PABPC4L: variants seen among roughly 807,000 people sequenced by gnomAD.
PABPC4L encodes the protein polyadenylate-binding protein 4-like.
For synonymous variants in PABPC4L, 169 were observed against 164.1 expected (o/e 1.03, Z -0.23); for missense variants, 452 against 451.4 (o/e 1.00, Z -0.01).
the PABPC4L span, among the ~76,000 whole-genome samples, chr4:134,057,016 G>A: frequency 6.6e-6 from 1 of 151,894 alleles, no homozygotes; most frequent in South Asian, 2.1e-4. Flanking sequence ...ATTACCTAGA[G>A]GTTTTTTGTA....
the PABPC4L span, among the ~76,000 whole-genome samples, chr4:134,116,427 T>A: frequency 6.6e-5 from 10 of 151,952 alleles, no homozygotes; most frequent in African/African-American, 2.4e-4. Flanking sequence ...TTGATGTTTT[T>A]CAAGTACTCA....
chr4:134,047,858 C>T, the PABPC4L span, among the ~76,000 whole-genome samples: 2 of 149,972 alleles, frequency 1.3e-5, no homozygotes, highest in African/African-American at 4.9e-5. Flanking sequence ...TGTCAGAACA[C>T]TTAAAATATT....
chr4:134,055,537 T>G, the PABPC4L span, among the ~76,000 whole-genome samples: 4 of 151,958 alleles, frequency 2.6e-5, no homozygotes, highest in Non-Finnish European at 5.9e-5. Context: ...TTTTCTATCG[T>G]TTAAGCCACC....
At chr4:134,035,749 A>C in the PABPC4L span, among the ~76,000 whole-genome samples, 4 of 152,122 alleles carry the variant, frequency 2.6e-5, no homozygotes, top group South Asian at 8.3e-4. Context: ...TCTTCATGTG[A>C]AGGTCATTAT....
At chr4:134,078,651 CTTTT>C in the PABPC4L span, among the ~76,000 whole-genome samples, 2 of 115,900 alleles carry the variant, frequency 1.7e-5, no homozygotes, top group Non-Finnish European at 3.5e-5. Context: ...AGTTTTGTAG[CTTTT>C]TTTTTTTTTT....
chr4:134,064,802 C>T, the PABPC4L span, among the ~76,000 whole-genome samples: 16 of 151,874 alleles, frequency 1.1e-4, no homozygotes, highest in Non-Finnish European at 1.6e-4. Context: ...TCTTTGTGTC[C>T]GTATGTACTC....
the PABPC4L span, among the ~76,000 whole-genome samples, chr4:133,974,426 C>T: frequency 6.6e-6 from 1 of 151,992 alleles, no homozygotes; most frequent in South Asian, 2.1e-4. Flanking sequence ...TAGAAGAAAA[C>T]ATAGCGTTAA....
the PABPC4L span, among the ~76,000 whole-genome samples, chr4:134,060,253 G>C: frequency 6.6e-6 from 1 of 151,894 alleles, no homozygotes; most frequent in African/African-American, 2.4e-5. Flanking sequence ...ACATAAACTA[G>C]AAAGGCTGTC....
At chr4:134,097,588 A>G in the PABPC4L span, among the ~76,000 whole-genome samples, 1 of 151,894 alleles carries the variant, frequency 6.6e-6, no homozygotes, top group Non-Finnish European at 1.5e-5. Context: ...CTGTGCAAAC[A>G]CATGCTCAGG....
the PABPC4L span, among the ~76,000 whole-genome samples, chr4:134,103,432 C>T: frequency 6.6e-6 from 1 of 151,518 alleles, no homozygotes; most frequent in African/African-American, 2.4e-5. Context: ...CTTCTGAGGC[C>T]TCTCATCTCG....
At chr4:134,102,450 G>T in the PABPC4L span, among the ~76,000 whole-genome samples, 6 of 151,404 alleles carry the variant, frequency 4.0e-5, no homozygotes. Flanking sequence ...AACTTAGTCA[G>T]AATCTCTGGA....
chr4:134,085,088 G>C, the PABPC4L span, among the ~76,000 whole-genome samples: 1 of 151,984 alleles, frequency 6.6e-6, no homozygotes, highest in Non-Finnish European at 1.5e-5. Context: ...TCCTCCTAGT[G>C]AGCAGGTGGA....
the PABPC4L span, among the ~76,000 whole-genome samples, chr4:133,954,756 A>G: frequency 6.6e-6 from 1 of 152,190 alleles, no homozygotes; most frequent in African/African-American, 2.4e-5. Context: ...ATATAAATAG[A>G]TGCTGTATGA....
chr4:134,015,235 A>G, the PABPC4L span, among the ~76,000 whole-genome samples: 20 of 152,086 alleles, frequency 1.3e-4, no homozygotes, highest in Admixed American at 2.0e-4. Flanking sequence ...TAAAGCCTAT[A>G]AACTCTCCTT....
chr4:134,190,395 T>C, the PABPC4L span, among the ~76,000 whole-genome samples: 1 of 152,210 alleles, frequency 6.6e-6, no homozygotes, highest in African/African-American at 2.4e-5. Flanking sequence ...CTTGTATAGG[T>C]ACCCTTCAGT....
At chr4:134,040,485 C>T in the PABPC4L span, among the ~76,000 whole-genome samples, 3 of 152,204 alleles carry the variant, frequency 2.0e-5, no homozygotes, top group Admixed American at 6.5e-5. Flanking sequence ...GAAAGGTCTC[C>T]CTATTTAATA....
At chr4:134,048,219 T>A in the PABPC4L span, among the ~76,000 whole-genome samples, 957 of 152,220 alleles carry the variant, frequency 6.3e-3, 6 homozygotes, top group African/African-American at 0.022. Context: ...AAAAATAAAC[T>A]AATAAATATA....
chr4:134,073,489 C>T, the PABPC4L span, among the ~76,000 whole-genome samples: 1 of 152,158 alleles, frequency 6.6e-6, no homozygotes, highest in Non-Finnish European at 1.5e-5. Flanking sequence ...GTGTCTGAGG[C>T]TTTTCCATGT....
the PABPC4L span, among the ~76,000 whole-genome samples, chr4:134,176,047 T>A: frequency 6.6e-6 from 1 of 152,148 alleles, no homozygotes; most frequent in Non-Finnish European, 1.5e-5. Context: ...ACATAATGAA[T>A]GGTGACCTAG....
Sources: gnomAD v4.1 joint callset for allele counts (sites outside exome capture counted in the v4.1 genomes callset) on GRCh38, gnomAD v4.1.1 for gene constraint, MANE v1.5 for transcripts, NCBI Gene and HGNC (gene_info 2026-07-23, HGNC 2026-07-21) for gene names.